MATK: variants seen among roughly 807,000 people sequenced by gnomAD.
MATK encodes the protein megakaryocyte-associated tyrosine-protein kinase.
In MATK, 41 loss-of-function variants were observed where a neutral mutation model predicts 59.8. The observed-to-expected ratio is 0.69, with a 90% CI of 0.53 to 0.89. The LOEUF is 0.89. MATK is among the 40% of genes least tolerant of loss of function. The pLI, the probability that MATK is intolerant of heterozygous loss-of-function variation, is 0.00. For synonymous variants in MATK, 308 were observed against 306.1 expected (o/e 1.01, Z -0.06); for missense variants, 593 against 719.6 (o/e 0.82, Z 2.01).
In MATK at chr19:3,778,545, C is replaced by T; in HGVS notation, c.1248G>A (p.Glu416=). ...DVWSFGVLLW[E]VFSYGRAPYP... is the part of the protein sequence containing the mutation. ...ACGGAGCCCGTCCATATGAGAAGAC[C>T]TCCCAGAGCAGCACCCCAAAACTCC... The change falls in exon 13 of 14, where the codon GAG becomes GAA. Residue 416 remains glutamate (E), a synonymous_variant. Transcript: ENST00000310132. 2 of 1,613,912 alleles carry T rather than the reference C, an allele frequency of 1.2e-6. No homozygotes were observed. The highest frequency in any genetic ancestry group is 1.7e-6 in the Non-Finnish European group (2 of 1,179,970).
chr19:3,797,128 T>C (rs2037602625), intron 1 of MATK, among the ~76,000 whole-genome samples: 1 of 152,154 alleles, frequency 6.6e-6, no homozygotes, highest in Admixed American at 6.6e-5. Flanking sequence ...AATGATATCA[T>C]TGGTGATTTC....
At chr19:3,800,417 G>C (rs1263952691) in intron 1 of MATK, among the ~76,000 whole-genome samples, 1 of 152,094 alleles carries the variant, frequency 6.6e-6, no homozygotes, top group African/African-American at 2.4e-5. Context: ...AGGCCGAGGA[G>C]GGCGAATCAT....
At chr19:3,781,214 T>C (rs1376894061) in intron 8 of MATK, among the ~76,000 whole-genome samples, 1 of 152,206 alleles carries the variant, frequency 6.6e-6, no homozygotes, top group Non-Finnish European at 1.5e-5. Flanking sequence ...TGACAGCAGC[T>C]ACCTGGCCCA....
intron 1 of MATK, among the ~76,000 whole-genome samples, chr19:3,792,022 C>T (rs925441909): frequency 3.3e-5 from 5 of 151,648 alleles, no homozygotes; most frequent in African/African-American, 7.3e-5. Flanking sequence ...GTAGGAGAAT[C>T]GCTTGAATCC....
chr19:3,784,680 G>T (rs1276313534), intron 3 of MATK, 145 bp downstream of exon 3: 1 of 723,002 alleles, frequency 1.4e-6, no homozygotes, highest in Non-Finnish European at 2.5e-6. Context: ...AGGTCAGGAA[G>T]CCAAGATGAC....
rs774392424 is a variant in MATK, at chr19:3,779,156, T to C, written c.1033A>G (p.Ser345Gly). 8.7e-6 allele frequency: 14 copies of C among 1,604,538 alleles called. No individual in the cohort carries two copies. The South Asian group carries it at 1.4e-4, about 16-fold the overall frequency. The change falls in exon 12 of 14, where the codon AGC becomes GGC. Residue 345 changes from serine to glycine, a missense_variant. Physicochemically the swap from Ser to Gly is moderately conservative, Grantham distance 56. Coordinates refer to ENST00000310132, the MANE Select transcript of MATK (RefSeq NM_139355.3). ...AGGTCGCGGTGCACAAGCTTCTTGC[T>C]CTCCAGGTACTCCATGCCCTCGGCC... ...HVAEGMEYLE[S>G]KKLVHRDLAA... is the part of the protein sequence containing the mutation.
chr19:3,783,277 T>C (rs1186563887), intron 6 of MATK, 58 bp from the exon 7 acceptor site: 2 of 797,554 alleles, frequency 2.5e-6, no homozygotes, highest in Non-Finnish European at 3.9e-6. Flanking sequence ...CCCAGCATCC[T>C]GTTCCGTTCC....
chr19:3,782,482 G>A (rs1008997913), intron 7 of MATK, among the ~76,000 whole-genome samples: 1 of 152,200 alleles, frequency 6.6e-6, no homozygotes, highest in Non-Finnish European at 1.5e-5. Flanking sequence ...ACTACTTAGG[G>A]GCTGGAAAAG....
Position 3,779,218 on chromosome 19 carries a change from G to A in MATK, c.1002-31C>T, listed in dbSNP as rs373719206. 446 of 1,556,200 alleles carry A rather than the reference G, an allele frequency of 2.9e-4. 1 individual carries two copies. Among genetic ancestry groups the A allele is most frequent in the Middle Eastern group, 1.4e-3 (8 of 5,828 alleles). Reference sequence around the variant, plus strand: ...GGTAGTAGGGGGCAGTGGGGGCTCAGGTGCCAGGATGCCCACATTCAGGGC... The same window carrying A: ...GGTAGTAGGGGGCAGTGGGGGCTCAAGTGCCAGGATGCCCACATTCAGGGC... On this transcript the variant is annotated intron_variant, in intron 11 of 13. Transcript: ENST00000310132.
chr19:3,788,135 A>ATATT (rs2037507141), upstream of MATK, among the ~76,000 whole-genome samples: 2 of 144,580 alleles, frequency 1.4e-5, no homozygotes, highest in South Asian at 4.4e-4. Context: ...ATATTATATT[A>ATATT]TATTATATTA....
chr19:3,799,489 G>A (rs1332191221), intron 1 of MATK, among the ~76,000 whole-genome samples: 2 of 152,156 alleles, frequency 1.3e-5, no homozygotes, highest in Non-Finnish European at 2.9e-5. Flanking sequence ...ATGAATGAAG[G>A]CCCAGCACAC....
chr19:3,788,619 CAAAAAAAA>C (rs1171553701), upstream of MATK, among the ~76,000 whole-genome samples: 11 of 70,286 alleles, frequency 1.6e-4, no homozygotes, highest in African/African-American at 4.7e-4. Context: ...ACTCTGTCTC[CAAAAAAAA>C]AAAAAAAAAA....
Position 3,778,159 on chromosome 19 carries a change from G to C in MATK, c.*24C>G. 6.5e-7 allele frequency: 1 copy of C among 1,537,320 alleles called. No individual in the cohort carries two copies. Among genetic ancestry groups the C allele is most frequent in the Non-Finnish European group, 8.7e-7 (1 of 1,146,774 alleles). ...ACTCTCCACTCTCTCGGTCCTCTGGGGCCAAGGGCCCCACCGGGTGGGGTC... is the reference window on the plus strand; with the variant it reads ...ACTCTCCACTCTCTCGGTCCTCTGGCGCCAAGGGCCCCACCGGGTGGGGTC... On this transcript the variant is annotated 3_prime_UTR_variant, in exon 14 of 14. Transcript: ENST00000310132.
chr19:3,796,575 G>A (rs531174541), intron 1 of MATK, among the ~76,000 whole-genome samples: 3 of 152,010 alleles, frequency 2.0e-5, no homozygotes, highest in African/African-American at 7.2e-5. Context: ...GTTAGTCATC[G>A]CCTTGGTTTT....
At position 3,785,251 on chromosome 19, in the gene MATK, G is replaced by A. The variant is rs1184547183; in HGVS notation, c.-116C>T. The A allele has an allele frequency of 6.4e-7, 1 of 1,564,178 alleles. No individual in the cohort carries two copies. The highest frequency in any genetic ancestry group is 1.9e-5 in the Admixed American group (1 of 52,540). On this transcript the variant is annotated 5_prime_UTR_variant, in exon 2 of 14. Transcript: ENST00000310132. Reference sequence around the variant, plus strand: ...CGGCTGGCACAGGAGGTAGGGAGCTGGGTGCCACTGGACCGAGCCTGGTTC... The same window carrying A: ...CGGCTGGCACAGGAGGTAGGGAGCTAGGTGCCACTGGACCGAGCCTGGTTC...
At chr19:3,796,684 C>T (rs2145116712) in intron 1 of MATK, among the ~76,000 whole-genome samples, 1 of 152,278 alleles carries the variant, frequency 6.6e-6, no homozygotes, top group East Asian at 1.9e-4. Context: ...CCCCTCTCTT[C>T]TTCGGCACAA....
At chr19:3,782,316 C>T (rs2037413355) in intron 7 of MATK, among the ~76,000 whole-genome samples, 1 of 152,166 alleles carries the variant, frequency 6.6e-6, no homozygotes, top group Admixed American at 6.5e-5. Context: ...CTCCAAATGC[C>T]ACGGTCTTAA....
At chr19:3,788,177 C>T (rs2037507666), upstream of MATK, among the ~76,000 whole-genome samples, 1 of 150,376 alleles carries the variant, frequency 6.6e-6, no homozygotes, top group Non-Finnish European at 1.5e-5. Flanking sequence ...GCTCTCTCAT[C>T]TCAATAGCAT....
intron 1 of MATK, among the ~76,000 whole-genome samples, chr19:3,799,533 G>T (rs1273183497): frequency 1.3e-5 from 2 of 152,218 alleles, no homozygotes; most frequent in Non-Finnish European, 2.9e-5. Flanking sequence ...CGGAATTAAT[G>T]AGCAACTGAA....
Sources: gnomAD v4.1 joint callset for allele counts (sites outside exome capture counted in the v4.1 genomes callset) on GRCh38, gnomAD v4.1.1 for gene constraint, MANE v1.5 for transcripts, NCBI Gene and HGNC (gene_info 2026-07-23, HGNC 2026-07-21) for gene names.